Variants in PPP3CA observed in about 807,000 individuals in gnomAD.
The protein encoded by PPP3CA is CAM-PRP catalytic subunit.
In PPP3CA, 14 loss-of-function variants were observed where a neutral mutation model predicts 66.5. The ratio of observed to expected loss-of-function variants is 0.21; its 90% confidence interval spans 0.14 to 0.33. The LOEUF is 0.33. Ranked by LOEUF, PPP3CA falls within the 10% of genes least tolerant of loss-of-function variation. The pLI, the probability that PPP3CA is intolerant of heterozygous loss-of-function variation, is 1.00. For missense variants in PPP3CA, 317 were observed against 639.5 expected (o/e 0.50, Z 5.44); for synonymous variants, 232 against 226.2 (o/e 1.03, Z -0.23).
intron 6 of PPP3CA, among the ~76,000 whole-genome samples, chr4:101,090,225 A>G (rs769068277): frequency 2.3e-4 from 35 of 152,222 alleles, no homozygotes; most frequent in Admixed American, 9.8e-4. Context: ...TCTCCTCCTT[A>G]GATAAAACAT....
chr4:101,263,421 T>C (rs761360854), intron 1 of PPP3CA, among the ~76,000 whole-genome samples: 5 of 152,194 alleles, frequency 3.3e-5, no homozygotes, highest in African/African-American at 4.8e-5. Flanking sequence ...GTGTATCTCA[T>C]TCAATCTTAT....
chr4:101,328,812 T>C (rs1729282755), intron 1 of PPP3CA, among the ~76,000 whole-genome samples: 1 of 152,148 alleles, frequency 6.6e-6, no homozygotes, highest in Non-Finnish European at 1.5e-5. Context: ...TATGTTACTA[T>C]TGTAATTGTT....
chr4:101,232,028 C>T lies in PPP3CA; in HGVS notation c.59-35912G>A, dbSNP rs1301942131. On this transcript the variant is annotated intron_variant, in intron 1 of 13. Transcript: ENST00000394854. ...TATTTTCTATAAGATATAAGCTCCCCAAGATCAAGACCATCATCAAATTGA... is the reference window on the plus strand; with the variant it reads ...TATTTTCTATAAGATATAAGCTCCCTAAGATCAAGACCATCATCAAATTGA... 3.3e-5 allele frequency among the ~76,000 whole-genome samples: 5 copies of T among 151,542 alleles called. No individual in the cohort carries two copies. The South Asian group carries it at 8.3e-4, about 25-fold the overall frequency.
intron 1 of PPP3CA, among the ~76,000 whole-genome samples, chr4:101,209,323 T>C (rs1451032088): frequency 6.6e-6 from 1 of 152,204 alleles, no homozygotes; most frequent in African/African-American, 2.4e-5. Flanking sequence ...TGAGTTTTAC[T>C]AGAGCAATTT....
chr4:101,321,153 A>G (rs903371078), intron 1 of PPP3CA, among the ~76,000 whole-genome samples: 1 of 152,214 alleles, frequency 6.6e-6, no homozygotes, highest in Non-Finnish European at 1.5e-5. Context: ...TGTGAGATCG[A>G]AAACTGTGAT....
At chr4:101,212,651 C>T (rs28553282) in intron 1 of PPP3CA, among the ~76,000 whole-genome samples, 6,887 of 152,092 alleles carry the variant, frequency 0.045, 488 homozygotes, top group African/African-American at 0.15. Flanking sequence ...ACAAAAAAGA[C>T]GGCCTAAAGG....
At chr4:101,235,869 C>T (rs1004761434) in intron 1 of PPP3CA, among the ~76,000 whole-genome samples, 8 of 151,742 alleles carry the variant, frequency 5.3e-5, no homozygotes, top group South Asian at 4.1e-4. Flanking sequence ...ATATGACTTT[C>T]CAATAAAATG....
chr4:101,169,469 C>T (rs1191618769), intron 2 of PPP3CA, among the ~76,000 whole-genome samples: 2 of 152,154 alleles, frequency 1.3e-5, no homozygotes, highest in African/African-American at 2.4e-5. Flanking sequence ...TGCCCAACCA[C>T]CTGTGGCAAC....
At chr4:101,233,600 T>C (rs573629686) in intron 1 of PPP3CA, among the ~76,000 whole-genome samples, 14 of 151,828 alleles carry the variant, frequency 9.2e-5, no homozygotes, top group African/African-American at 2.4e-4. Context: ...CATTTTCTAT[T>C]ATCAAGGTAA....
intron 1 of PPP3CA, among the ~76,000 whole-genome samples, chr4:101,256,324 C>T (rs1252688136): frequency 1.3e-5 from 2 of 151,952 alleles, no homozygotes; most frequent in East Asian, 1.9e-4. Context: ...GTTACAATAG[C>T]AAAGTCAGCA....
chr4:101,115,866 TATC>T (rs1321660817), intron 2 of PPP3CA, among the ~76,000 whole-genome samples: 1 of 151,948 alleles, frequency 6.6e-6, no homozygotes, highest in African/African-American at 2.4e-5. Context: ...AATTTTATAA[TATC>T]ATATAATTTC....
chr4:101,292,061 G>A (rs75320684), intron 1 of PPP3CA, among the ~76,000 whole-genome samples: 2,718 of 149,406 alleles, frequency 0.018, 107 homozygotes, highest in African/African-American at 0.063. Context: ...CGGGGAGTTC[G>A]AGGCTGCACT....
chr4:101,095,739 C>A (rs1485977689), intron 5 of PPP3CA, among the ~76,000 whole-genome samples: 1 of 152,258 alleles, frequency 6.6e-6, no homozygotes, highest in East Asian at 1.9e-4. Flanking sequence ...GCAACCTCCA[C>A]CTCCCAGGTT....
intron 1 of PPP3CA, among the ~76,000 whole-genome samples, chr4:101,324,749 A>G (rs1729160402): frequency 6.6e-6 from 1 of 152,120 alleles, no homozygotes; most frequent in Non-Finnish European, 1.5e-5. Context: ...CTGCCAAGTG[A>G]GGTAAGAACA....
At chr4:101,049,368 T>C (rs1280777551) in intron 10 of PPP3CA, among the ~76,000 whole-genome samples, 2 of 152,124 alleles carry the variant, frequency 1.3e-5, no homozygotes. Flanking sequence ...CTTTGTTTTT[T>C]AATATTTACC....
At chr4:101,225,291 T>C (rs2110217754) in intron 1 of PPP3CA, among the ~76,000 whole-genome samples, 1 of 151,930 alleles carries the variant, frequency 6.6e-6, no homozygotes, top group African/African-American at 2.4e-5. Context: ...CTCACTTTTG[T>C]ATCACCAGTG....
chr4:101,254,877 T>C (rs1374044449), intron 1 of PPP3CA, among the ~76,000 whole-genome samples: 2 of 151,794 alleles, frequency 1.3e-5, no homozygotes, highest in Non-Finnish European at 2.9e-5. Context: ...ACTACTACAT[T>C]CTTGAAAGTA....
chr4:101,098,216 T>C, intron 5 of PPP3CA, 151 bp downstream of exon 5: 2 of 843,444 alleles, frequency 2.4e-6, no homozygotes, highest in Non-Finnish European at 3.3e-6. Flanking sequence ...TCTTTCTAGA[T>C]AAAAATTTAA....
chr4:101,178,090 G>A (rs939274871), intron 2 of PPP3CA, among the ~76,000 whole-genome samples: 1 of 152,074 alleles, frequency 6.6e-6, no homozygotes, highest in African/African-American at 2.4e-5. Context: ...GCACTGTAAA[G>A]TAGAAATTAT....
Sources: gnomAD v4.1 joint callset for allele counts (sites outside exome capture counted in the v4.1 genomes callset) on GRCh38, gnomAD v4.1.1 for gene constraint, MANE v1.5 for transcripts, NCBI Gene and HGNC (gene_info 2026-07-23, HGNC 2026-07-21) for gene names.